PDGFC: variants seen among roughly 807,000 people sequenced by gnomAD.
The protein encoded by PDGFC is platelet-derived growth factor C.
In PDGFC, 12 loss-of-function variants were observed where a neutral mutation model predicts 35.5. The observed-to-expected ratio is 0.34, with a 90% CI of 0.22 to 0.55. PDGFC has a LOEUF of 0.55. Among genes scored for constraint, PDGFC ranks in the 20% least tolerant of loss-of-function variants. PDGFC has a pLI of 0.91. For missense variants in PDGFC, 322 were observed against 412.4 expected, an observed-to-expected ratio of 0.78 and a Z score of 1.90; for synonymous variants, 159 against 148.8, an observed-to-expected ratio of 1.07 and a Z score of -0.50.
intron 1 of PDGFC, among the ~76,000 whole-genome samples, chr4:156,902,156 C>T (rs1347843301): frequency 6.6e-6 from 1 of 152,182 alleles, no homozygotes; most frequent in Non-Finnish European, 1.5e-5. Flanking sequence ...AATCTGACTC[C>T]TGACTACTTA....
intron 1 of PDGFC, among the ~76,000 whole-genome samples, chr4:156,947,374 CCT>C (rs1196153128): frequency 6.6e-6 from 1 of 152,004 alleles, no homozygotes; most frequent in Admixed American, 6.6e-5. Context: ...AAAGTTCTCC[CCT>C]GACATGGCCT....
chr4:156,936,902 G>A (rs190044158), intron 1 of PDGFC, among the ~76,000 whole-genome samples: 8 of 152,314 alleles, frequency 5.3e-5, no homozygotes, highest in Admixed American at 5.2e-4. Context: ...TAGGAACGAA[G>A]AAGAGGGACT....
Position 156,956,043 on chromosome 4 carries a change from T to C in PDGFC, c.118+14743A>G, listed in dbSNP as rs192457167. Among the ~76,000 whole-genome samples the C allele has an allele frequency of 1.4e-3, 215 of 152,154 alleles. 4 individuals are homozygous for C. Among genetic ancestry groups the C allele is most frequent in the Admixed American group, 0.013 (199 of 15,264 alleles). On this transcript the variant is annotated intron_variant, in intron 1 of 5. Transcript: ENST00000502773. Reference sequence around the variant, plus strand: ...CATTCTAAGCATATGTCTAGTGTAATACAAACAACACTGATTATGAACATC... The same window carrying C: ...CATTCTAAGCATATGTCTAGTGTAACACAAACAACACTGATTATGAACATC...
At chr4:156,881,610 C>CGCCT (rs1308839404) in intron 1 of PDGFC, among the ~76,000 whole-genome samples, 1 of 151,964 alleles carries the variant, frequency 6.6e-6, no homozygotes, top group Non-Finnish European at 1.5e-5. Flanking sequence ...GGCAGTGGAT[C>CGCCT]GCCTGGAGTC....
At chr4:156,807,714 T>C (rs72974673) in intron 3 of PDGFC, among the ~76,000 whole-genome samples, 2,380 of 152,098 alleles carry the variant, frequency 0.016, 56 homozygotes, top group African/African-American at 0.054. Context: ...GAACCCGATA[T>C]CCATTTATAG....
chr4:156,846,604 TA>T (rs1729332515), intron 2 of PDGFC, among the ~76,000 whole-genome samples: 4 of 151,826 alleles, frequency 2.6e-5, no homozygotes, highest in East Asian at 1.9e-4. Flanking sequence ...AAAAAATGAT[TA>T]AAAAACATTT....
chr4:156,900,993 T>C (rs1189638672), intron 1 of PDGFC, among the ~76,000 whole-genome samples: 1 of 150,912 alleles, frequency 6.6e-6, no homozygotes, highest in Non-Finnish European at 1.5e-5. Context: ...GGCAGAGAAG[T>C]GAGTGTACAA....
chr4:156,857,399 T>C (rs1729608381), intron 1 of PDGFC, among the ~76,000 whole-genome samples: 2 of 152,142 alleles, frequency 1.3e-5, no homozygotes, highest in Non-Finnish European at 2.9e-5. Flanking sequence ...GATTTACTTC[T>C]ACAGCTTAAT....
chr4:156,889,258 C>T (rs1403481951), intron 1 of PDGFC, among the ~76,000 whole-genome samples: 1 of 152,194 alleles, frequency 6.6e-6, no homozygotes, highest in Non-Finnish European at 1.5e-5. Flanking sequence ...CAAAATCTCA[C>T]ATACAGGTCT....
chr4:156,787,987 C>T (rs543557910), intron 3 of PDGFC, among the ~76,000 whole-genome samples: 4 of 152,006 alleles, frequency 2.6e-5, no homozygotes, highest in East Asian at 3.9e-4. Context: ...AAGAAGATGC[C>T]GAATGTCTGG....
In PDGFC at chr4:156,944,513, A is replaced by G. The variant is rs149371130; in HGVS notation, c.118+26273T>C. Reference sequence around the variant, plus strand: ...CATCACCAATGTGTGTCTCTTACATACTTTCACCATCACAATCAATTCATG... The same window carrying G: ...CATCACCAATGTGTGTCTCTTACATGCTTTCACCATCACAATCAATTCATG... On this transcript the variant is annotated intron_variant, in intron 1 of 5. Transcript: ENST00000502773. 3.6e-3 allele frequency among the ~76,000 whole-genome samples: 542 copies of G among 152,278 alleles called. 3 individuals carry two copies. Among genetic ancestry groups the G allele is most frequent in the African/African-American group, 0.012 (483 of 41,578 alleles).
intron 2 of PDGFC, among the ~76,000 whole-genome samples, chr4:156,817,655 G>T (rs1331561366): frequency 6.6e-6 from 1 of 152,098 alleles, no homozygotes; most frequent in East Asian, 1.9e-4. Flanking sequence ...GCAGTAACAT[G>T]GAGTTTCATA....
At chr4:156,889,687 A>G (rs917577003) in intron 1 of PDGFC, among the ~76,000 whole-genome samples, 22 of 152,202 alleles carry the variant, frequency 1.4e-4, no homozygotes, top group Non-Finnish European at 8.8e-5. Context: ...ACAGTTTAAT[A>G]CAGCAAACTC....
At chr4:156,836,309 A>C (rs978677293) in intron 2 of PDGFC, among the ~76,000 whole-genome samples, 1 of 152,198 alleles carries the variant, frequency 6.6e-6, no homozygotes, top group Non-Finnish European at 1.5e-5. Context: ...ACTCACAACT[A>C]TGTAAATCCT....
intron 1 of PDGFC, among the ~76,000 whole-genome samples, chr4:156,953,663 A>G (rs528009310): frequency 1.3e-5 from 2 of 152,030 alleles, no homozygotes; most frequent in African/African-American, 4.8e-5. Flanking sequence ...TTCTATAAAA[A>G]GACATAAAAC....
rs117918101 is a variant in PDGFC, at chr4:156,954,872, A to G, written c.118+15914T>C. 3.9e-3 allele frequency among the ~76,000 whole-genome samples: 594 copies of G among 152,186 alleles called. 22 individuals carry two copies. The East Asian group carries it at 0.1, about 26-fold the overall frequency. On this transcript the variant is annotated intron_variant, in intron 1 of 5. Coordinates refer to ENST00000502773, the MANE Select transcript of PDGFC (RefSeq NM_016205.3). ...TGACACCAGATGCCAAGACTGCAGC[A>G]GAACAAGCTGTGTTGGGTCTAAGTG...
chr4:156,789,037 T>C (rs1194304603), intron 3 of PDGFC, among the ~76,000 whole-genome samples: 2 of 152,200 alleles, frequency 1.3e-5, no homozygotes, highest in Non-Finnish European at 2.9e-5. Context: ...CCTCTGATAT[T>C]TAGATCCTGG....
chr4:156,870,789 TCA>T (rs1240036532), intron 1 of PDGFC, among the ~76,000 whole-genome samples: 1 of 152,138 alleles, frequency 6.6e-6, no homozygotes, highest in African/African-American at 2.4e-5. Context: ...TGATACATGT[TCA>T]CACAGTTTTC....
chr4:156,961,790 G>A (rs1213026305), intron 1 of PDGFC, among the ~76,000 whole-genome samples: 7 of 152,026 alleles, frequency 4.6e-5, no homozygotes, highest in Non-Finnish European at 7.4e-5. Flanking sequence ...TCCCAATTGC[G>A]GATCCTTCAC....
Sources: gnomAD v4.1 joint callset for allele counts (sites outside exome capture counted in the v4.1 genomes callset) on GRCh38, gnomAD v4.1.1 for gene constraint, MANE v1.5 for transcripts, NCBI Gene and HGNC (gene_info 2026-07-23, HGNC 2026-07-21) for gene names.